Variants in ASCC3 observed in about 807,000 individuals in gnomAD.
ASCC3 encodes the protein activating signal cointegrator 1 complex subunit 3.
A neutral mutation model predicts 256.3 loss-of-function variants in ASCC3; 158 were observed. The ratio of observed to expected loss-of-function variants is 0.62; its 90% CI spans 0.54 to 0.70. ASCC3 has a LOEUF of 0.70. ASCC3 is among the 30% of genes least tolerant of loss of function. The pLI is 0.00. For missense variants in ASCC3, 2,259 were observed against 2,626.0 expected, an observed-to-expected ratio of 0.86 and a Z score of 3.05; for synonymous variants, 948 against 883.4, an observed-to-expected ratio of 1.07 and a Z score of -1.30.
intron 4 of ASCC3, among the ~76,000 whole-genome samples, chr6:100,824,420 C>T (rs1771197853): frequency 6.6e-6 from 1 of 152,172 alleles, no homozygotes; most frequent in South Asian, 2.1e-4. Flanking sequence ...AAACCAACTA[C>T]TTTCCACATA....
At chr6:100,653,153 A>G (rs1430807884) in intron 17 of ASCC3, among the ~76,000 whole-genome samples, 1 of 152,194 alleles carries the variant, frequency 6.6e-6, no homozygotes, top group Admixed American at 6.5e-5. Context: ...AAATTCTTAT[A>G]TGATCTTATG....
At chr6:100,861,772 G>A (rs2114539831) in intron 3 of ASCC3, among the ~76,000 whole-genome samples, 1 of 152,188 alleles carries the variant, frequency 6.6e-6, no homozygotes, top group Middle Eastern at 3.4e-3. Flanking sequence ...CCCTAAGTAT[G>A]AATCAGATAT....
intron 13 of ASCC3, among the ~76,000 whole-genome samples, chr6:100,692,058 C>T (rs1777873465): frequency 6.6e-6 from 1 of 152,070 alleles, no homozygotes. Context: ...GTTTTTCTAA[C>T]ATTCACCCAG....
At chr6:100,531,361 A>G (rs1477331764) in intron 37 of ASCC3, among the ~76,000 whole-genome samples, 2 of 152,134 alleles carry the variant, frequency 1.3e-5, no homozygotes, top group Non-Finnish European at 2.9e-5. Context: ...GATTATTTTG[A>G]GGTTTCCATT....
intron 32 of ASCC3, among the ~76,000 whole-genome samples, chr6:100,606,051 T>C (rs570124060): frequency 2.0e-5 from 3 of 151,922 alleles, no homozygotes; most frequent in African/African-American, 7.2e-5. Flanking sequence ...AAAAATAAAA[T>C]ATATATACAA....
At chr6:100,748,023 T>A (rs1226754212) in intron 10 of ASCC3, among the ~76,000 whole-genome samples, 1 of 152,016 alleles carries the variant, frequency 6.6e-6, no homozygotes, top group Non-Finnish European at 1.5e-5. Flanking sequence ...AGAAAAAGGA[T>A]AAAATTTAAA....
At chr6:100,586,665 G>A (rs1009040935) in intron 36 of ASCC3, among the ~76,000 whole-genome samples, 42 of 152,182 alleles carry the variant, frequency 2.8e-4, no homozygotes, top group Admixed American at 1.6e-3. Context: ...GAAATCACCC[G>A]TCTTCTGCGT....
chr6:100,661,809 T>C lies in ASCC3; in HGVS notation c.2700A>G (p.Ala900=). 6.2e-7 allele frequency: 1 copy of C among 1,612,820 alleles called. No homozygotes were observed. The highest frequency in any genetic ancestry group is 8.5e-7 in the Non-Finnish European group (1 of 1,179,038). Residue 900 remains alanine, a synonymous_variant, in exon 16 of 42, where the codon GCA becomes GCG. Coordinates refer to ENST00000369162, the MANE Select transcript of ASCC3 (RefSeq NM_006828.4). ...FLESLADNLN[A]EIALGTVTNV... is the part of the protein sequence containing the mutation. ...ACTTTTACTCATTAGATCTTACCTC[T>C]GCATTTAGGTTATCTGCAAGGCTTT...
intron 11 of ASCC3, among the ~76,000 whole-genome samples, chr6:100,723,920 T>C (rs887333869): frequency 2.5e-4 from 35 of 141,188 alleles, no homozygotes; most frequent in African/African-American, 8.0e-4. Context: ...ATATGACACA[T>C]ATATATAATA....
chr6:100,721,795 G>T (rs12197577), intron 11 of ASCC3, among the ~76,000 whole-genome samples: 4,139 of 48,810 alleles, frequency 0.085, 157 homozygotes, highest in South Asian at 0.31. Flanking sequence ...CAAATTTTTT[G>T]TTGTTGTTGT....
intron 1 of ASCC3, among the ~76,000 whole-genome samples, chr6:100,868,344 A>C (rs1461654560): frequency 6.6e-6 from 1 of 152,182 alleles, no homozygotes; most frequent in Admixed American, 6.5e-5. Flanking sequence ...AGATGAAACC[A>C]CCTGTTCATC....
chr6:100,517,097 C>G (rs897354640), intron 38 of ASCC3, among the ~76,000 whole-genome samples: 1 of 152,070 alleles, frequency 6.6e-6, no homozygotes, highest in African/African-American at 2.4e-5. Flanking sequence ...CTCTGAGTGT[C>G]TTTTAGTTTC....
At chr6:100,546,183 C>A (rs553774900) in intron 36 of ASCC3, among the ~76,000 whole-genome samples, 2 of 152,102 alleles carry the variant, frequency 1.3e-5, no homozygotes, top group Non-Finnish European at 2.9e-5. Flanking sequence ...AGAGATGAAT[C>A]TGATAAAAAT....
intron 30 of ASCC3, among the ~76,000 whole-genome samples, chr6:100,612,197 T>C (rs982048975): frequency 2.6e-5 from 4 of 151,994 alleles, no homozygotes; most frequent in African/African-American, 7.2e-5. Context: ...AAATATAGAT[T>C]CCATTTAAGT....
intron 4 of ASCC3, among the ~76,000 whole-genome samples, chr6:100,843,540 T>C (rs1447055881): frequency 6.6e-6 from 1 of 152,160 alleles, no homozygotes; most frequent in Non-Finnish European, 1.5e-5. Flanking sequence ...GCTTTGCAAA[T>C]AGCATGTAAT....
At chr6:100,541,998 T>G (rs1775486187) in intron 36 of ASCC3, among the ~76,000 whole-genome samples, 1 of 151,796 alleles carries the variant, frequency 6.6e-6, no homozygotes, top group Non-Finnish European at 1.5e-5. Context: ...CTATTAAAAA[T>G]GAAACACAAA....
intron 25 of ASCC3, among the ~76,000 whole-genome samples, chr6:100,634,732 C>T (rs1314799309): frequency 6.6e-6 from 1 of 151,168 alleles, no homozygotes; most frequent in East Asian, 1.9e-4. Flanking sequence ...TACCAAAAGA[C>T]AAAAGACAGC....
At chr6:100,745,289 T>C (rs896399783) in intron 10 of ASCC3, among the ~76,000 whole-genome samples, 10 of 151,776 alleles carry the variant, frequency 6.6e-5, no homozygotes, top group Admixed American at 6.6e-4. Flanking sequence ...ATTGCACCAT[T>C]GCACTCCAGC....
chr6:100,629,629 T>A (rs1188988781), intron 26 of ASCC3, among the ~76,000 whole-genome samples: 2 of 152,178 alleles, frequency 1.3e-5, no homozygotes, highest in African/African-American at 4.8e-5. Flanking sequence ...TAAAATTATG[T>A]GTAATTTAGA....
Sources: allele counts gnomAD v4.1 joint callset (sites outside exome capture counted in the v4.1 genomes callset), GRCh38; gene constraint gnomAD v4.1.1; transcripts MANE v1.5; gene names NCBI Gene and HGNC (gene_info 2026-07-23, HGNC 2026-07-21).